FSTL4: variants seen among roughly 807,000 people sequenced by gnomAD.
The protein encoded by FSTL4 is follistatin like 4.
FSTL4 carries 28 observed loss-of-function variants against 78.2 expected under a neutral mutation model. That is an observed-to-expected ratio of 0.36 (90% confidence interval 0.27 to 0.49). The LOEUF is 0.49. FSTL4 is among the 20% of genes least tolerant of loss of function. The pLI is 0.98. For missense variants in FSTL4, 922 were observed against 1,084.9 expected (o/e 0.85, Z 2.11); for synonymous variants, 422 against 440.5 (o/e 0.96, Z 0.53).
the FSTL4 span, among the ~76,000 whole-genome samples, chr5:133,755,727 A>G: frequency 6.6e-6 from 1 of 152,162 alleles, no homozygotes; most frequent in African/African-American, 2.4e-5. Context: ...GTTTCTTAGC[A>G]CTGGGAGCTG....
intron 12 of FSTL4, among the ~76,000 whole-genome samples, chr5:133,220,243 G>A (rs1014317434): frequency 1.3e-5 from 2 of 152,266 alleles, no homozygotes; most frequent in Non-Finnish European, 2.9e-5. Flanking sequence ...TATCCTGCAA[G>A]GCCAAGTGGG....
At chr5:133,629,769 C>G in the FSTL4 span, among the ~76,000 whole-genome samples, 1 of 152,180 alleles carries the variant, frequency 6.6e-6, no homozygotes, top group Non-Finnish European at 1.5e-5. Context: ...CAATCCAAAT[C>G]CAGCAGCACA....
intron 6 of FSTL4, among the ~76,000 whole-genome samples, chr5:133,251,321 C>T (rs555265800): frequency 1.4e-4 from 22 of 152,300 alleles, no homozygotes; most frequent in African/African-American, 4.6e-4. Context: ...CAGATGACCA[C>T]GAGGCTCCCC....
the FSTL4 span, among the ~76,000 whole-genome samples, chr5:133,744,321 C>G: frequency 6.6e-6 from 1 of 152,194 alleles, no homozygotes; most frequent in Non-Finnish European, 1.5e-5. Flanking sequence ...TCTAAGACCC[C>G]AGTCAGGACC....
At chr5:133,243,449 A>T (rs1164760626) in intron 7 of FSTL4, among the ~76,000 whole-genome samples, 1 of 152,250 alleles carries the variant, frequency 6.6e-6, no homozygotes, top group Non-Finnish European at 1.5e-5. Context: ...GCCAGCAGCC[A>T]GTAAGAATAG....
intron 4 of FSTL4, among the ~76,000 whole-genome samples, chr5:133,371,862 C>T (rs1469214163): frequency 1.3e-5 from 2 of 152,222 alleles, no homozygotes; most frequent in African/African-American, 4.8e-5. Context: ...AATTCCTCCG[C>T]CTCTTCCCCA....
Position 133,217,713 on chromosome 5 carries a change from T to C in FSTL4, c.1459-335A>G, listed in dbSNP as rs1195577784. On this transcript the variant is annotated intron_variant, in intron 12 of 15. Coordinates refer to ENST00000265342, the MANE Select transcript of FSTL4 (RefSeq NM_015082.2). ...TTCTGAAAGAGTTGCCTATACTCCT[T>C]CTCCACTTCCCACCTCTTGCATGCT... Among the ~76,000 whole-genome samples, 4 of 152,148 alleles carry C rather than the reference T, an allele frequency of 2.6e-5. No individual in the cohort carries two copies. In the East Asian group the frequency reaches 5.8e-4, roughly 22 times the overall value.
chr5:133,589,934 A>G (rs1760589189), intron 2 of FSTL4, among the ~76,000 whole-genome samples: 1 of 152,346 alleles, frequency 6.6e-6, no homozygotes, highest in Non-Finnish European at 1.5e-5. Context: ...TGTAAAATAA[A>G]CAAATTAATA....
chr5:133,628,105 A>G, the FSTL4 span, among the ~76,000 whole-genome samples: 3 of 152,152 alleles, frequency 2.0e-5, no homozygotes, highest in Admixed American at 1.3e-4. Flanking sequence ...CTGGGACACA[A>G]CTAAAGCAGT....
intron 2 of FSTL4, among the ~76,000 whole-genome samples, chr5:133,602,747 G>A (rs1760900183): frequency 6.6e-6 from 1 of 152,170 alleles, no homozygotes; most frequent in Admixed American, 6.5e-5. Flanking sequence ...CACCACAAAA[G>A]GAAGGCACAC....
chr5:133,674,587 GTGTGTGTGTGTGTGTGTGTGTGTC>G, the FSTL4 span, among the ~76,000 whole-genome samples: 11 of 43,034 alleles, frequency 2.6e-4, no homozygotes, highest in Non-Finnish European at 4.6e-4. Flanking sequence ...ACTTCCATAT[GTGTGTGTGTGTGTGTGTGTGTGTC>G]TGTGTGTGTG....
intron 6 of FSTL4, among the ~76,000 whole-genome samples, chr5:133,252,451 G>C (rs1752281069): frequency 6.6e-6 from 1 of 152,126 alleles, no homozygotes; most frequent in South Asian, 2.1e-4. Context: ...GGCTGATGCA[G>C]ATGCTCTGGT....
intron 4 of FSTL4, among the ~76,000 whole-genome samples, chr5:133,358,266 A>T (rs947372298): frequency 3.3e-5 from 5 of 152,242 alleles, no homozygotes; most frequent in Non-Finnish European, 7.4e-5. Context: ...AAGGGGACAT[A>T]CTCATAGTTT....
At chr5:133,497,320 C>A (rs774436250) in intron 3 of FSTL4, among the ~76,000 whole-genome samples, 5 of 152,210 alleles carry the variant, frequency 3.3e-5, no homozygotes, top group African/African-American at 4.8e-5. Flanking sequence ...CTTGAGTTTC[C>A]TCTCCCGATG....
At chr5:133,241,071 C>T (rs1242655680) in intron 7 of FSTL4, among the ~76,000 whole-genome samples, 1 of 152,222 alleles carries the variant, frequency 6.6e-6, no homozygotes, top group African/African-American at 2.4e-5. Context: ...GGGTGAGCTT[C>T]TCTGGGAAAT....
chr5:133,431,530 G>A (rs949963531), intron 3 of FSTL4, among the ~76,000 whole-genome samples: 3 of 152,160 alleles, frequency 2.0e-5, no homozygotes, highest in African/African-American at 7.2e-5. Context: ...GTATAGCTAA[G>A]CCCAGCCTTC....
At chr5:133,472,856 C>T (rs1188474676) in intron 3 of FSTL4, among the ~76,000 whole-genome samples, 1 of 152,200 alleles carries the variant, frequency 6.6e-6, no homozygotes, top group Non-Finnish European at 1.5e-5. Context: ...TGTGATTTTC[C>T]CAAGGTCCCT....
intron 5 of FSTL4, among the ~76,000 whole-genome samples, chr5:133,314,393 G>A (rs1048690691): frequency 6.6e-6 from 1 of 152,210 alleles, no homozygotes; most frequent in Non-Finnish European, 1.5e-5. Context: ...ATGGGCTTGC[G>A]CGAGCCACTC....
At chr5:133,772,555 C>A in the FSTL4 span, among the ~76,000 whole-genome samples, 1 of 152,134 alleles carries the variant, frequency 6.6e-6, no homozygotes, top group East Asian at 1.9e-4. Flanking sequence ...TTATTTGGCT[C>A]ACAGCTCTGG....
Sources: allele counts gnomAD v4.1 joint callset (sites outside exome capture counted in the v4.1 genomes callset), GRCh38; gene constraint gnomAD v4.1.1; transcripts MANE v1.5; gene names NCBI Gene and HGNC (gene_info 2026-07-23, HGNC 2026-07-21).